Variants in STARD13 observed in about 807,000 individuals in gnomAD.
STARD13 encodes the protein stAR-related lipid transfer protein 13.
STARD13 carries 62 observed loss-of-function variants against 106.4 expected under a neutral mutation model. The observed-to-expected ratio is 0.58, with a 90% CI of 0.48 to 0.72. The LOEUF is 0.72. Ranked by LOEUF, STARD13 falls within the 30% of genes least tolerant of loss-of-function variation. The probability of loss-of-function intolerance (pLI) is 0.00; values close to 1 mark genes in which losing one functional copy is unlikely to be tolerated. For synonymous variants in STARD13, 565 were observed against 553.0 expected, an observed-to-expected ratio of 1.02 and a Z score of -0.31; for missense variants, 1,387 against 1,424.0, an observed-to-expected ratio of 0.97 and a Z score of 0.42.
At chr13:33,518,892 G>A in the STARD13 span, among the ~76,000 whole-genome samples, 3 of 151,986 alleles carry the variant, frequency 2.0e-5, no homozygotes, top group Non-Finnish European at 4.4e-5. Flanking sequence ...AGAGCCTCCT[G>A]CCATGGGCTA....
At chr13:33,624,412 CA>C in the STARD13 span, among the ~76,000 whole-genome samples, 2 of 152,364 alleles carry the variant, frequency 1.3e-5, no homozygotes, top group East Asian at 3.9e-4. Flanking sequence ...CTGTGCTTTT[CA>C]GTGCTTGAAT....
chr13:33,285,795 C>T, upstream of STARD13: 2 of 1,434,616 alleles, frequency 1.4e-6, no homozygotes. Context: ...CTCAGAATTC[C>T]AACCCCCGGG....
intron 1 of STARD13, among the ~76,000 whole-genome samples, chr13:33,308,520 C>CTTTCTTTTTT (rs1893003354): frequency 2.3e-5 from 2 of 88,552 alleles, no homozygotes; most frequent in African/African-American, 4.4e-5. Context: ...CTTTTTCTTT[C>CTTTCTTTTTT]TTTTTTTTTT....
chr13:33,185,401 A>C (rs1885657571), intron 1 of STARD13, among the ~76,000 whole-genome samples: 1 of 152,216 alleles, frequency 6.6e-6, no homozygotes, highest in Non-Finnish European at 1.5e-5. Context: ...AGTGCTACCA[A>C]CATCATGCAA....
At chr13:33,440,537 C>A in the STARD13 span, among the ~76,000 whole-genome samples, 2 of 151,592 alleles carry the variant, frequency 1.3e-5, no homozygotes, top group South Asian at 4.2e-4. Context: ...TCTGCTTGTT[C>A]CGTATCATTT....
the STARD13 span, among the ~76,000 whole-genome samples, chr13:33,367,494 T>C: frequency 5.9e-5 from 9 of 151,676 alleles, no homozygotes; most frequent in Non-Finnish European, 1.2e-4. Flanking sequence ...GGTGAGTAGC[T>C]CTCAAAAAAA....
At chr13:33,292,029 C>A (rs1050264536) in intron 1 of STARD13, among the ~76,000 whole-genome samples, 5 of 152,098 alleles carry the variant, frequency 3.3e-5, no homozygotes, top group African/African-American at 1.2e-4. Flanking sequence ...TAGCTAACAA[C>A]CCCTACCCCA....
intron 1 of STARD13, among the ~76,000 whole-genome samples, chr13:33,172,404 G>A (rs1884066794): frequency 1.3e-5 from 2 of 150,474 alleles, no homozygotes; most frequent in Admixed American, 1.3e-4. Flanking sequence ...GAGAAGGCTG[G>A]AAGTCTATGG....
At chr13:33,437,804 T>C in the STARD13 span, among the ~76,000 whole-genome samples, 1 of 152,216 alleles carries the variant, frequency 6.6e-6, no homozygotes, top group Admixed American at 6.5e-5. Flanking sequence ...GTGCTTTCCA[T>C]AAATATTTAT....
the STARD13 span, among the ~76,000 whole-genome samples, chr13:33,589,730 A>G: frequency 6.6e-6 from 1 of 152,136 alleles, no homozygotes. Flanking sequence ...TATGTGGTCA[A>G]TTTTGGAATA....
the STARD13 span, among the ~76,000 whole-genome samples, chr13:33,620,439 C>T: frequency 3.3e-5 from 5 of 152,050 alleles, no homozygotes; most frequent in East Asian, 1.9e-4. Flanking sequence ...CCCGCCACCA[C>T]ACCTGGCTAA....
At chr13:33,346,037 A>G (rs1329365739), downstream of STARD13, among the ~76,000 whole-genome samples, 2 of 152,196 alleles carry the variant, frequency 1.3e-5, no homozygotes, top group African/African-American at 4.8e-5. Flanking sequence ...ATGATATGTC[A>G]CTTCTGAGAT....
the STARD13 span, among the ~76,000 whole-genome samples, chr13:33,446,758 T>C: frequency 3.3e-5 from 5 of 152,204 alleles, no homozygotes; most frequent in African/African-American, 1.2e-4. Flanking sequence ...CACGAGTCTT[T>C]ACTAGTTCAG....
chr13:33,200,804 G>C (rs560753957), intron 1 of STARD13, among the ~76,000 whole-genome samples: 2 of 151,998 alleles, frequency 1.3e-5, no homozygotes, highest in Non-Finnish European at 2.9e-5. Flanking sequence ...GGCAGATCAC[G>C]AGGTCAGGAG....
the STARD13 span, among the ~76,000 whole-genome samples, chr13:33,449,799 T>G: frequency 2.0e-5 from 3 of 152,172 alleles, no homozygotes; most frequent in African/African-American, 7.2e-5. Context: ...TGTAGTTATC[T>G]TTTGCTTCGT....
the STARD13 span, among the ~76,000 whole-genome samples, chr13:33,549,326 T>G: frequency 1.4e-4 from 21 of 152,316 alleles, no homozygotes; most frequent in East Asian, 4.0e-3. Flanking sequence ...CATTCTCTCA[T>G]AAAAATAAAT....
chr13:33,314,350 A>T (rs77347256), intron 1 of STARD13, among the ~76,000 whole-genome samples: 281 of 152,290 alleles, frequency 1.8e-3, no homozygotes, highest in African/African-American at 6.6e-3. Flanking sequence ...AAGAGTCAAC[A>T]GTTACTCCTG....
chr13:33,531,103 T>C, the STARD13 span, among the ~76,000 whole-genome samples: 2 of 152,146 alleles, frequency 1.3e-5, no homozygotes, highest in African/African-American at 4.8e-5. Context: ...ATAAGTCTTA[T>C]GAGATCTGAT....
At position 33,248,339 on chromosome 13, in the gene STARD13, TA is replaced by T. The variant is rs71726569; in HGVS notation, c.169+37130del. Among the ~76,000 whole-genome samples the T allele has an allele frequency of 5.5e-3, 838 of 152,130 alleles. 6 individuals carry two copies. Among genetic ancestry groups the T allele is most frequent in the Middle Eastern group, 0.017 (5 of 294 alleles). On this transcript the variant is annotated intron_variant, in intron 1 of 13. Coordinates refer to ENST00000336934, the MANE Select transcript of STARD13 (RefSeq NM_178006.4). ...GCGACAGAGTGAGAACTTCTCTCTCTAAAAAAAAGAAGAAGATAAAAAAGGA... is the reference window on the plus strand; with the variant it reads ...GCGACAGAGTGAGAACTTCTCTCTCTAAAAAAAGAAGAAGATAAAAAAGGA...
Sources: gnomAD v4.1 joint callset for allele counts (sites outside exome capture counted in the v4.1 genomes callset) on GRCh38, gnomAD v4.1.1 for gene constraint, MANE v1.5 for transcripts, NCBI Gene and HGNC (gene_info 2026-07-23, HGNC 2026-07-21) for gene names.